GLDN: variants seen among roughly 807,000 people sequenced by gnomAD.
GLDN encodes the protein collomin.
A neutral mutation model predicts 56.5 loss-of-function variants in GLDN; 47 were observed. The ratio of observed to expected loss-of-function variants is 0.83; its 90% confidence interval spans 0.66 to 1.06. The LOEUF is 1.06. Ranked by LOEUF, GLDN falls within the 50% of genes least tolerant of loss-of-function variation. The pLI is 0.00. For missense variants in GLDN, 782 were observed against 714.3 expected, an observed-to-expected ratio of 1.09 and a Z score of -1.08; for synonymous variants, 332 against 278.8, an observed-to-expected ratio of 1.19 and a Z score of -1.90.
intron 5 of GLDN, 131 bp downstream of exon 5, chr15:51,395,112 T>C: frequency 3.3e-6 from 3 of 918,860 alleles, no homozygotes; most frequent in Non-Finnish European, 4.7e-6. Context: ...TTGCAGCATG[T>C]TTTGGAGTTC....
chr15:51,407,656 C>T lies in GLDN; in HGVS notation c.*2902C>T, dbSNP rs952283504. On this transcript the variant is annotated 3_prime_UTR_variant, in exon 10 of 10. Transcript: ENST00000335449. ...GTATCGTTAAGCACAGGTGCTATGA[C>T]AGAAAAAGTTCTGGGGTGGAAGTTT... is the stretch of plus-strand genomic sequence containing the variant. 3.9e-5 allele frequency: 6 copies of T among 152,178 alleles called. No homozygotes were observed. The highest frequency in any genetic ancestry group is 1.4e-4 in the African/African-American group (6 of 41,412). 9.4% of individuals were successfully genotyped at this position (152,178 alleles called of 1,614,324 possible).
intron 4 of GLDN, chr15:51,385,336 C>A (rs1398862078): frequency 6.6e-6 from 1 of 152,116 alleles, no homozygotes; most frequent in African/African-American, 2.4e-5. Context: ...TTCAAAAAGG[C>A]TTGAGACAGA....
In GLDN at chr15:51,407,408, A is replaced by T. The variant is rs2038407587; in HGVS notation, c.*2654A>T. 6.6e-6 allele frequency: 1 copy of T among 152,220 alleles called. No homozygotes were observed. The highest frequency in any genetic ancestry group is 1.5e-5 in the Non-Finnish European group (1 of 68,036). The allele number at this position is 152,220 out of a possible 1,614,324, so 9.4% of individuals were successfully genotyped here. ...GGAGTTTACCCTCTCATTTATAACC[A>T]AAGTTGCTCTAAAACACTTTCCAAA... is the stretch of plus-strand genomic sequence containing the variant. On this transcript the variant is annotated 3_prime_UTR_variant, in exon 10 of 10. Coordinates refer to ENST00000335449, the MANE Select transcript of GLDN (RefSeq NM_181789.4).
intron 1 of GLDN, among the ~76,000 whole-genome samples, chr15:51,358,822 T>C (rs558943872): frequency 3.3e-5 from 5 of 152,260 alleles, no homozygotes; most frequent in Admixed American, 1.3e-4. Flanking sequence ...CTGGCCACAA[T>C]AGCCTCTTCC....
intron 1 of GLDN, among the ~76,000 whole-genome samples, chr15:51,366,639 G>A (rs1187273202): frequency 6.6e-6 from 1 of 152,174 alleles, no homozygotes; most frequent in Non-Finnish European, 1.5e-5. Flanking sequence ...TCAAATAAGC[G>A]AGGTGGCTCA....
intron 1 of GLDN, among the ~76,000 whole-genome samples, chr15:51,357,832 T>C (rs1382050674): frequency 6.6e-6 from 1 of 152,118 alleles, no homozygotes; most frequent in East Asian, 1.9e-4. Flanking sequence ...AATTTAAGAA[T>C]CATCTTTGGG....
At chr15:51,399,414 C>T (rs1197184402) in intron 6 of GLDN, among the ~76,000 whole-genome samples, 4 of 152,200 alleles carry the variant, frequency 2.6e-5, no homozygotes, top group Middle Eastern at 3.2e-3. Context: ...CCACATTCAT[C>T]CTCCTCCCTC....
intron 1 of GLDN, among the ~76,000 whole-genome samples, chr15:51,350,421 CAT>C (rs1465810029): frequency 6.6e-6 from 1 of 152,158 alleles, no homozygotes; most frequent in Non-Finnish European, 1.5e-5. Context: ...TGACCAAAGT[CAT>C]AAACCCCATG....
At chr15:51,377,342 A>G (rs2037654769) in intron 1 of GLDN, 107 bp from the exon 2 acceptor site, 9 of 916,902 alleles carry the variant, frequency 9.8e-6, no homozygotes, top group Middle Eastern at 4.4e-4. Context: ...GGGTTCTCCT[A>G]AAGTTACTTG....
chr15:51,357,550 C>T (rs2037209256), intron 1 of GLDN, among the ~76,000 whole-genome samples: 1 of 152,184 alleles, frequency 6.6e-6, no homozygotes, highest in South Asian at 2.1e-4. Context: ...TGGGAGAGGG[C>T]TCTCTAACAA....
chr15:51,404,414 C>A lies in GLDN; in HGVS notation c.1316C>A (p.Ala439Glu). 6.2e-7 allele frequency: 1 copy of A among 1,614,096 alleles called. No individual in the cohort carries two copies. Among genetic ancestry groups the A allele is most frequent in the Non-Finnish European group, 8.5e-7 (1 of 1,180,012 alleles). Residue 439 changes from alanine (A) to glutamate (E), a missense_variant, in exon 10 of 10, where the codon GCG (alanine) becomes GAG (glutamate). Coordinates refer to ENST00000335449, the MANE Select transcript of GLDN (RefSeq NM_181789.4). Reference sequence around the variant, plus strand: ...GAAAAGGGCCTTTGGATTATCTATGCGTCAAGTGTGGACGGCTCGAGCATT... The same window carrying A: ...GAAAAGGGCCTTTGGATTATCTATGAGTCAAGTGTGGACGGCTCGAGCATT... ...VDEKGLWIIY[A>E]SSVDGSSILV... is the part of the protein sequence containing the mutation.
downstream of GLDN, among the ~76,000 whole-genome samples, chr15:51,411,224 C>G (rs541998272): frequency 2.6e-5 from 4 of 152,362 alleles, no homozygotes; most frequent in Non-Finnish European, 5.9e-5. Flanking sequence ...CCGCTCCTTA[C>G]ACCTCCAGCT....
intron 1 of GLDN, among the ~76,000 whole-genome samples, chr15:51,347,623 C>T (rs75191956): frequency 0.045 from 6,786 of 152,224 alleles, 162 homozygotes; most frequent in East Asian, 0.073. Context: ...CATTGCTGTT[C>T]GGAGTGCGGA....
At chr15:51,385,310 T>C (rs2037866182) in intron 4 of GLDN, 1 of 151,770 alleles carries the variant, frequency 6.6e-6, no homozygotes, top group Admixed American at 6.6e-5. Context: ...GTGGGGCACG[T>C]AGGAAAGGGG....
chr15:51,407,166 T>G lies in GLDN; in HGVS notation c.*2412T>G, dbSNP rs1398894017. On this transcript the variant is annotated 3_prime_UTR_variant, in exon 10 of 10. Transcript: ENST00000335449. ...ACCGGGACTTTTTTTCTTTTTTCTT[T>G]TTTTTTTGCTATGACAGAGTAATGC... 1.3e-5 allele frequency: 2 copies of G among 152,070 alleles called. No homozygotes were observed. Among genetic ancestry groups the G allele is most frequent in the Non-Finnish European group, 2.9e-5 (2 of 68,018 alleles). The allele number at this position is 152,070 out of a possible 1,614,324, so 9.4% of individuals were successfully genotyped here. A position where few individuals can be genotyped will look rare whatever the true frequency, so the allele number is the denominator to read the frequency against.
chr15:51,355,525 C>CTTTT (rs147021073), intron 1 of GLDN, among the ~76,000 whole-genome samples: 20 of 126,414 alleles, frequency 1.6e-4, no homozygotes, highest in Non-Finnish European at 2.7e-4. Flanking sequence ...TTCTTTCTTT[C>CTTTT]TTTTTTTTTT....
chr15:51,380,637 T>G (rs2037738077), intron 2 of GLDN, among the ~76,000 whole-genome samples: 1 of 152,168 alleles, frequency 6.6e-6, no homozygotes, highest in African/African-American at 2.4e-5. Flanking sequence ...TCCTTTCTCT[T>G]CTGAAATTCT....
chr15:51,395,350 A>G (rs1172206522), intron 5 of GLDN, among the ~76,000 whole-genome samples: 5 of 152,216 alleles, frequency 3.3e-5, no homozygotes, highest in Non-Finnish European at 7.3e-5. Flanking sequence ...CGTTTGCTTC[A>G]CTGATGAGGT....
intron 5 of GLDN, among the ~76,000 whole-genome samples, chr15:51,396,541 G>A (rs1387069385): frequency 2.0e-5 from 3 of 152,174 alleles, no homozygotes; most frequent in African/African-American, 7.2e-5. Context: ...ACAGTACTTT[G>A]GAGATCACCT....
Sources: allele counts gnomAD v4.1 joint callset (sites outside exome capture counted in the v4.1 genomes callset), GRCh38; gene constraint gnomAD v4.1.1; transcripts MANE v1.5; gene names NCBI Gene and HGNC (gene_info 2026-07-23, HGNC 2026-07-21).